The following VAMP4 variants were observed in gnomAD, a reference collection of about 807,000 sequenced individuals.
The protein encoded by VAMP4 is vesicle-associated membrane protein 4.
VAMP4 carries 19 observed loss-of-function variants against 23.5 expected under a neutral mutation model. The ratio of observed to expected loss-of-function variants is 0.81; its 90% CI spans 0.56 to 1.19. VAMP4 has a LOEUF of 1.19. Ranked by LOEUF, VAMP4 falls within the 50% of genes most tolerant of loss-of-function variation. The pLI, the probability that VAMP4 is intolerant of heterozygous loss-of-function variation, is 0.00. For missense variants in VAMP4, 145 were observed against 168.6 expected, an observed-to-expected ratio of 0.86 and a Z score of 0.78; for synonymous variants, 31 against 51.0, an observed-to-expected ratio of 0.61 and a Z score of 1.67.
intron 1 of VAMP4, among the ~76,000 whole-genome samples, chr1:171,740,962 T>G (rs1655904025): frequency 6.6e-6 from 1 of 152,174 alleles, no homozygotes; most frequent in Non-Finnish European, 1.5e-5. Flanking sequence ...TAGTAACTGA[T>G]ATGTGTATCA....
chr1:171,734,312 C>T (rs779257396), intron 2 of VAMP4, among the ~76,000 whole-genome samples: 1 of 147,414 alleles, frequency 6.8e-6, no homozygotes, highest in Non-Finnish European at 1.5e-5. Flanking sequence ...TGCACTATAA[C>T]GTTGAGGAAT....
intron 6 of VAMP4, among the ~76,000 whole-genome samples, chr1:171,708,337 C>CAAAAAAA (rs200077955): frequency 1.1e-5 from 1 of 87,456 alleles, no homozygotes; most frequent in Non-Finnish European, 2.3e-5. Context: ...AAGAGTGCCA[C>CAAAAAAA]AAAAAAAAAA....
At chr1:171,732,428 T>G (rs1369423942) in intron 2 of VAMP4, among the ~76,000 whole-genome samples, 5 of 151,928 alleles carry the variant, frequency 3.3e-5, no homozygotes, top group Non-Finnish European at 5.9e-5. Flanking sequence ...TCCTAGCTAT[T>G]CAGCAGGCTG....
intron 4 of VAMP4, among the ~76,000 whole-genome samples, chr1:171,711,213 TCATA>T (rs1180472552): frequency 1.3e-5 from 2 of 152,140 alleles, no homozygotes; most frequent in African/African-American, 4.8e-5. Context: ...GCCATATATT[TCATA>T]CATGAAGGCT....
intron 1 of VAMP4, 40 bp from the exon 2 acceptor site, chr1:171,738,503 G>A: frequency 7.5e-7 from 1 of 1,327,774 alleles, no homozygotes; most frequent in Non-Finnish European, 1.1e-6. Flanking sequence ...TGAGACTTTG[G>A]GGCATAAGCT....
chr1:171,702,471 T>C lies in VAMP4; in HGVS notation c.*2035A>G, dbSNP rs567432831. The C allele has an allele frequency of 4.6e-5, 7 of 152,170 alleles. No individual in the cohort carries two copies. The South Asian group carries it at 1.5e-3, about 32-fold the overall frequency. The allele number at this position is 152,170 out of a possible 1,614,324, so 9.4% of individuals were successfully genotyped here. On this transcript the variant is annotated 3_prime_UTR_variant, in exon 8 of 8. Coordinates refer to ENST00000236192, the MANE Select transcript of VAMP4 (RefSeq NM_003762.5). ...TAATTATTTATTTAAAAGTGGCATA[T>C]TTTATTAAAAGGAACACTGGAAATA...
At chr1:171,704,586 T>G in intron 7 of VAMP4, 52 bp from the exon 8 acceptor site, 1 of 1,378,652 alleles carries the variant, frequency 7.3e-7, no homozygotes, top group Non-Finnish European at 9.9e-7. Context: ...ATATATATGC[T>G]ATGTTTGAAG....
At chr1:171,722,160 A>T (rs6670540) in intron 3 of VAMP4, among the ~76,000 whole-genome samples, 52,953 of 151,498 alleles carry the variant, frequency 0.35, 9,678 homozygotes, top group African/African-American at 0.47. Context: ...AGGGAAAGGA[A>T]TCCCTATTTA....
chr1:171,719,552 C>A (rs1037931205), intron 3 of VAMP4, among the ~76,000 whole-genome samples: 1 of 152,056 alleles, frequency 6.6e-6, no homozygotes, highest in African/African-American at 2.4e-5. Flanking sequence ...ATCCTAACTA[C>A]TTAACTGCTA....
chr1:171,708,356 A>T (rs1654732132), intron 6 of VAMP4, among the ~76,000 whole-genome samples: 1 of 149,250 alleles, frequency 6.7e-6, no homozygotes, highest in Non-Finnish European at 1.5e-5. Context: ...AAAAAAAAAG[A>T]CTTTAAAGAA....
rs889001397 is a variant in VAMP4 at position 171,706,139 on chromosome 1, T to C, written c.397+228A>G. ...CCCTTTGAGAATCTGACAAAAGATA[T>C]AGACCCTCTCTCCATAAAAATGTAC... On this transcript the variant is annotated intron_variant, in intron 7 of 7. Coordinates refer to ENST00000236192, the MANE Select transcript of VAMP4 (RefSeq NM_003762.5). Among the ~76,000 whole-genome samples the C allele has an allele frequency of 1.3e-5, 2 of 152,042 alleles. No homozygotes were observed. Among genetic ancestry groups the C allele is most frequent in the Admixed American group, 1.3e-4 (2 of 15,244 alleles).
chr1:171,703,496 T>C lies in VAMP4; in HGVS notation c.*1010A>G, dbSNP rs1366071925. On this transcript the variant is annotated 3_prime_UTR_variant, in exon 8 of 8. Coordinates refer to ENST00000236192, the MANE Select transcript of VAMP4 (RefSeq NM_003762.5). ...ACATAGGTTCCTGACTTTCTACTAC[T>C]CATTACTGTTGGCTGATGCAAAATT... The C allele has an allele frequency of 2.1e-5, 3 of 139,792 alleles. No homozygotes were observed. The highest frequency in any genetic ancestry group is 7.9e-5 in the African/African-American group (3 of 37,912). The allele number at this position is 139,792 out of a possible 1,614,324, so 8.7% of individuals were successfully genotyped here. A position where few individuals can be genotyped will look rare whatever the true frequency, so the allele number is the denominator to read the frequency against.
intron 4 of VAMP4, 96 bp downstream of exon 4, chr1:171,719,075 C>T: frequency 4.8e-6 from 5 of 1,039,376 alleles, no homozygotes; most frequent in Non-Finnish European, 7.0e-6. Context: ...TTTACAAAAA[C>T]AGGCTGCAGC....
At chr1:171,720,808 G>C (rs1292323866) in intron 3 of VAMP4, among the ~76,000 whole-genome samples, 1 of 151,904 alleles carries the variant, frequency 6.6e-6, no homozygotes, top group Non-Finnish European at 1.5e-5. Context: ...TCATTATCCA[G>C]GGCCAGTATG....
intron 5 of VAMP4, 110 bp from the exon 6 acceptor site, chr1:171,709,854 C>G (rs41263720): frequency 6.1e-6 from 5 of 826,248 alleles, no homozygotes; most frequent in Non-Finnish European, 9.9e-6. Context: ...AATTTATTCC[C>G]TTTTAAGCAT....
intron 2 of VAMP4, among the ~76,000 whole-genome samples, chr1:171,731,743 G>C (rs769330414): frequency 2.0e-5 from 3 of 152,154 alleles, no homozygotes; most frequent in Non-Finnish European, 4.4e-5. Flanking sequence ...GCCAATATCT[G>C]TTTGCAAGAA....
chr1:171,734,366 C>T lies in VAMP4; in HGVS notation c.66+3983G>A, dbSNP rs146864383. Among the ~76,000 whole-genome samples the T allele has an allele frequency of 4.6e-3, 698 of 151,848 alleles. 5 individuals are homozygous for T. Among genetic ancestry groups the T allele is most frequent in the African/African-American group, 0.014 (594 of 41,392 alleles). On this transcript the variant is annotated intron_variant, in intron 2 of 7. Coordinates refer to ENST00000236192, the MANE Select transcript of VAMP4 (RefSeq NM_003762.5). ...AGTCAAAGAAGCCAGTCACAAAAGG[C>T]TATATGTTATATGATTCCATTTACA...
intron 2 of VAMP4, among the ~76,000 whole-genome samples, chr1:171,737,654 A>G (rs1655786465): frequency 6.6e-6 from 1 of 152,244 alleles, no homozygotes. Context: ...ATAACTAAAT[A>G]TAGACTTCAC....
chr1:171,733,731 A>C (rs1655638300), intron 2 of VAMP4, among the ~76,000 whole-genome samples: 2 of 152,186 alleles, frequency 1.3e-5, no homozygotes, highest in South Asian at 4.1e-4. Context: ...TGCCGGTGAG[A>C]ATGTAAAAAT....
Sources: gnomAD v4.1 joint callset for allele counts (sites outside exome capture counted in the v4.1 genomes callset) on GRCh38, gnomAD v4.1.1 for gene constraint, MANE v1.5 for transcripts, NCBI Gene and HGNC (gene_info 2026-07-23, HGNC 2026-07-21) for gene names.